The following MCM6 variants were observed in gnomAD, a reference collection of about 807,000 sequenced individuals.
The protein encoded by MCM6 is minichromosome maintenance complex component 6.
MCM6 carries 46 observed loss-of-function variants against 94.3 expected under a neutral mutation model. The ratio of observed to expected loss-of-function variants is 0.49; its 90% CI spans 0.39 to 0.62. MCM6 has a LOEUF of 0.62. MCM6 is among the 20% of genes least tolerant of loss of function. The pLI, the probability that MCM6 is intolerant of heterozygous loss-of-function variation, is 0.00. For missense variants in MCM6, 865 were observed against 1,017.9 expected, an observed-to-expected ratio of 0.85 and a Z score of 2.04; for synonymous variants, 335 against 351.9, an observed-to-expected ratio of 0.95 and a Z score of 0.54.
chr2:135,868,819 C>T lies in MCM6; in HGVS notation c.407G>A (p.Arg136His), dbSNP rs201215953. 5.0e-4 allele frequency: 804 copies of T among 1,614,034 alleles called. 2 individuals carry two copies. The highest frequency in any genetic ancestry group is 2.6e-3 in the Admixed American group (157 of 60,016). Residue 136 changes from arginine (R) to histidine (H), a missense_variant, in exon 4 of 17, where the codon CGC (arginine) becomes CAC (histidine). This residue lies in a region of MCM6 where 404 missense variants were observed against 451.9 expected (regional missense o/e 0.89). Transcript: ENST00000264156. ...LTSSRIGLLTRISGQVVRTHP... is the reference protein window; with the variant it reads ...LTSSRIGLLTHISGQVVRTHP... ...AGTCCGCACCACCTGCCCACTGATGCGAGTGAGCAAACCAATTCTGGATGA... is the reference window on the plus strand; with the variant it reads ...AGTCCGCACCACCTGCCCACTGATGTGAGTGAGCAAACCAATTCTGGATGA...
Position 135,846,326 on chromosome 2 carries a change from G to T in MCM6, c.2120C>A (p.Ser707Tyr), listed in dbSNP as rs770849857. 3 of 1,614,048 alleles carry T rather than the reference G, an allele frequency of 1.9e-6. No homozygotes were observed. Among genetic ancestry groups the T allele is most frequent in the South Asian group, 2.2e-5 (2 of 91,080 alleles). Reference protein sequence around the residue: ...NGYNEDINQESAPKASLRLGF... With the variant: ...NGYNEDINQEYAPKASLRLGF... The stretch of plus-strand genomic sequence containing the variant: ...CAGCCTTAAGGAGGCTTTGGGAGCA[G>T]ACTCTTGATTTATGTCTTCATTGTA... Residue 707 changes from serine (S) to tyrosine (Y), a missense_variant, in exon 15 of 17, where the codon TCT becomes TAT. Coordinates refer to ENST00000264156, the MANE Select transcript of MCM6 (RefSeq NM_005915.6).
At chr2:135,875,697 G>A (rs1054249097) in intron 1 of MCM6, among the ~76,000 whole-genome samples, 12 of 152,310 alleles carry the variant, frequency 7.9e-5, no homozygotes, top group African/African-American at 2.9e-4. Flanking sequence ...GGACCCAGAA[G>A]AAGGGATATG....
chr2:135,861,079 G>T (rs1003637519), intron 8 of MCM6, among the ~76,000 whole-genome samples: 1 of 152,012 alleles, frequency 6.6e-6, no homozygotes, highest in East Asian at 1.9e-4. Flanking sequence ...AGAATCCTTT[G>T]TAACACAGGA....
Position 135,850,945 on chromosome 2 carries a change from C to G in MCM6, c.1917+457G>C, listed in dbSNP as rs527991977. Among the ~76,000 whole-genome samples the G allele has an allele frequency of 1.6e-4, 24 of 152,286 alleles. No homozygotes were observed. The South Asian group carries it at 4.6e-3, about 29-fold the overall frequency. ...AAGATGGGACGCTTGAATGCCCTTT[C>G]GTACTACTCCCCTTTTACCTCGTTA... On this transcript the variant is annotated intron_variant, in intron 13 of 16. Transcript: ENST00000264156.
At chr2:135,855,547 T>A (rs577957400) in intron 11 of MCM6, among the ~76,000 whole-genome samples, 1 of 152,148 alleles carries the variant, frequency 6.6e-6, no homozygotes, top group Non-Finnish European at 1.5e-5. Context: ...AGAGCTGTAG[T>A]CTCAGCTACT....
At chr2:135,866,449 G>A (rs1264550166) in intron 5 of MCM6, 114 bp downstream of exon 5, 27 of 1,406,734 alleles carry the variant, frequency 1.9e-5, no homozygotes, top group East Asian at 1.1e-4. Flanking sequence ...ATCACACTTC[G>A]TTCCTCAGCT....
chr2:135,866,690 C>T lies in MCM6; in HGVS notation c.654G>A (p.Gly218=). The change falls in exon 5 of 17, where the codon GGG becomes GGA. Residue 218 remains glycine (G), a synonymous_variant. Transcript: ENST00000264156. ...TTACTTCTAAACTGCGGGGGATACT[C>T]CCTCGAGGAAGCTCAGCTTGGGTCT... is the stretch of plus-strand genomic sequence containing the variant. The part of the protein sequence containing the change: ...IQETQAELPR[G]SIPRSLEVIL... 1 of 1,613,226 alleles carries T rather than the reference C, an allele frequency of 6.2e-7. No homozygotes were observed.
chr2:135,860,534 T>C (rs540493840), intron 8 of MCM6, among the ~76,000 whole-genome samples: 1 of 152,272 alleles, frequency 6.6e-6, no homozygotes. Context: ...AAACTAGATA[T>C]GGGGCTTATT....
chr2:135,841,060 AT>A (rs778131867), intron 16 of MCM6, 109 bp from the exon 17 acceptor site: 5 of 776,724 alleles, frequency 6.4e-6, no homozygotes, highest in Non-Finnish European at 1.1e-5. Context: ...ATTTTCTTTC[AT>A]TTCCCAACTA....
chr2:135,856,811 A>G lies in MCM6; in HGVS notation c.1543T>C (p.Ser515Pro), dbSNP rs1435689399. Residue 515 changes from serine to proline, a missense_variant, in exon 11 of 17, where the codon TCA becomes CCA. Around this residue, in one of 3 missense-constraint regions of MCM6, gnomAD observed 153 missense variants for 241.5 expected, o/e 0.63. Transcript: ENST00000264156. The stretch of plus-strand genomic sequence containing the variant: ...GACAAATTTATATTCTGTTTCAATG[A>G]TTTTGATCTGTCATAGTGTCCACTG... ...PISGHYDRSK[S>P]LKQNINLSAP... is the part of the protein sequence containing the mutation. 6.2e-7 allele frequency: 1 copy of G among 1,614,066 alleles called. No individual in the cohort carries two copies. Among genetic ancestry groups the G allele is most frequent in the African/African-American group, 1.3e-5 (1 of 74,922 alleles).
rs1680223948 is a variant in MCM6, at chr2:135,872,699, A to G, written c.252T>C (p.Tyr84=). The part of the protein sequence containing the change: ...QLSTTIQEEF[Y]RVYPYLCRAL... ...AAAGAAGATTAATATGCCCATACCT[A>G]TAGAACTCCTCTTGAATGGTGGTGG... Residue 84 remains tyrosine (Y), a splice_region_variant and synonymous_variant, in exon 2 of 17, where the codon TAT becomes TAC. Coordinates refer to ENST00000264156, the MANE Select transcript of MCM6 (RefSeq NM_005915.6). 1.2e-6 allele frequency: 2 copies of G among 1,614,068 alleles called. No homozygotes were observed. Among genetic ancestry groups the G allele is most frequent in the Admixed American group, 1.7e-5 (1 of 60,012 alleles).
chr2:135,875,694 G>A (rs553199784), intron 1 of MCM6, among the ~76,000 whole-genome samples: 4 of 152,326 alleles, frequency 2.6e-5, no homozygotes, highest in African/African-American at 9.6e-5. Context: ...AAGGGACCCA[G>A]AAGAAGGGAT....
chr2:135,857,824 T>C (rs1356823241), intron 10 of MCM6, 73 bp downstream of exon 10: 6 of 1,239,700 alleles, frequency 4.8e-6, no homozygotes, highest in Non-Finnish European at 7.1e-6. Flanking sequence ...TTTATCCAGG[T>C]GAACTTCTCT....
chr2:135,848,675 G>C (rs1040253888), intron 13 of MCM6, among the ~76,000 whole-genome samples: 1 of 152,094 alleles, frequency 6.6e-6, no homozygotes, highest in African/African-American at 2.4e-5. Flanking sequence ...CCTGAGATTG[G>C]GAGTTTGAGA....
intron 2 of MCM6, among the ~76,000 whole-genome samples, chr2:135,871,413 C>G (rs766395255): frequency 1.3e-5 from 2 of 152,210 alleles, no homozygotes; most frequent in African/African-American, 4.8e-5. Context: ...TCTTGATCAT[C>G]AGCTATGACC....
At position 135,852,851 on chromosome 2, in the gene MCM6, T is replaced by C. The variant is rs780987706; in HGVS notation, c.1691A>G (p.Asp564Gly). Residue 564 changes from aspartate (D) to glycine (G), a missense_variant, in exon 12 of 17, where the codon GAT becomes GGT. By Grantham distance (94) the Asp-to-Gly change is moderately conservative. Transcript: ENST00000264156. The stretch of plus-strand genomic sequence containing the variant: ...GATATCATCGAGGGAATAGACACGA[T>C]CAATTGATTCCTCAATTCTTGAATG... The part of the protein sequence containing the change: ...DLHSRIEESI[D>G]RVYSLDDIRR... The C allele has an allele frequency of 6.2e-7, 1 of 1,610,372 alleles. No homozygotes were observed. The highest frequency in any genetic ancestry group is 1.1e-5 in the South Asian group (1 of 90,706).
chr2:135,848,411 T>C (rs1401414683), intron 13 of MCM6, among the ~76,000 whole-genome samples: 1 of 152,102 alleles, frequency 6.6e-6, no homozygotes, highest in Non-Finnish European at 1.5e-5. Context: ...ACTGACAATA[T>C]CAAGTGTTGT....
chr2:135,866,101 AAAAC>A (rs1392187628), intron 6 of MCM6, 27 bp downstream of exon 6: 9 of 1,611,946 alleles, frequency 5.6e-6, no homozygotes, highest in Non-Finnish European at 7.6e-6. Flanking sequence ...GACTGTTTCA[AAAAC>A]AAACAAAAAC....
chr2:135,860,872 C>G (rs949484716), intron 8 of MCM6, among the ~76,000 whole-genome samples: 2 of 152,072 alleles, frequency 1.3e-5, no homozygotes, highest in Non-Finnish European at 2.9e-5. Flanking sequence ...ACTGATGGCT[C>G]TAATCAAGGA....
Sources: gnomAD v4.1 joint callset for allele counts (sites outside exome capture counted in the v4.1 genomes callset) on GRCh38, gnomAD v4.1.1 for gene constraint, gnomAD v4.1.1 regional missense constraint, MANE v1.5 for transcripts, NCBI Gene and HGNC (gene_info 2026-07-23, HGNC 2026-07-21) for gene names.